The following DHRSX variants were observed in gnomAD, a reference collection of about 807,000 sequenced individuals.
DHRSX encodes the protein dehydrogenase/reductase X-linked, also known as polyprenol dehydrogenase.
Under a neutral mutation model 34.0 loss-of-function variants are expected in DHRSX, and 31 were observed. The observed-to-expected ratio is 0.91, with a 90% CI of 0.69 to 1.23. The LOEUF (loss-of-function observed/expected upper bound fraction) is 1.23, where lower values mean the gene tolerates loss of function less well. Among genes scored for constraint, DHRSX ranks in the 50% most tolerant of loss-of-function variants. The pLI is 0.00. For missense variants in DHRSX, 414 were observed against 428.1 expected (o/e 0.97, Z 0.29); for synonymous variants, 201 against 183.8 (o/e 1.09, Z -0.76).
chrX:2,345,448 G>T (rs1298313866), intron 3 of DHRSX, among the ~76,000 whole-genome samples: 3 of 151,828 alleles, frequency 2.0e-5, no homozygotes, highest in Admixed American at 6.6e-5. Flanking sequence ...TTTGAGATCA[G>T]CCTGGCCAAC....
intron 3 of DHRSX, among the ~76,000 whole-genome samples, chrX:2,376,844 A>G (rs7050661): frequency 0.06 from 9,171 of 152,102 alleles, 630 homozygotes; most frequent in African/African-American, 0.17. Context: ...AAATACAAAA[A>G]TTAGCCGGGC....
At chrX:2,367,961 G>T (rs991854623) in intron 3 of DHRSX, among the ~76,000 whole-genome samples, 1 of 152,004 alleles carries the variant, frequency 6.6e-6, no homozygotes, top group Admixed American at 6.6e-5. Flanking sequence ...AATATTTTGA[G>T]GCCAGGCACG....
chrX:2,463,848 C>T (rs2044438368), intron 1 of DHRSX, among the ~76,000 whole-genome samples: 1 of 152,142 alleles, frequency 6.6e-6, no homozygotes, highest in Admixed American at 6.5e-5. Flanking sequence ...CAGACACAGA[C>T]ACGCAGAAGA....
chrX:2,424,044 T>C (rs187466471), intron 2 of DHRSX, among the ~76,000 whole-genome samples: 168 of 152,196 alleles, frequency 1.1e-3, no homozygotes, highest in African/African-American at 3.8e-3. Context: ...TGTTTGGAAA[T>C]AAGGTCTTTA....
At chrX:2,427,214 G>A (rs2043861604) in intron 1 of DHRSX, among the ~76,000 whole-genome samples, 1 of 152,220 alleles carries the variant, frequency 6.6e-6, no homozygotes, top group Admixed American at 6.5e-5. Flanking sequence ...AGTCTAGCAG[G>A]CCTGGGATAT....
chrX:2,304,312 AATGG>A (rs766851673), intron 3 of DHRSX, among the ~76,000 whole-genome samples: 3,801 of 97,210 alleles, frequency 0.039, 201 homozygotes, highest in African/African-American at 0.15. Flanking sequence ...TGGATGGATG[AATGG>A]ATGGATGGAT....
intron 3 of DHRSX, among the ~76,000 whole-genome samples, chrX:2,312,859 C>A (rs2124519816): frequency 6.6e-6 from 1 of 152,186 alleles, no homozygotes; most frequent in Non-Finnish European, 1.5e-5. Context: ...GAGGTCCTGC[C>A]CATGGGCCAG....
intron 1 of DHRSX, among the ~76,000 whole-genome samples, chrX:2,447,145 C>G (rs1171439288): frequency 2.0e-5 from 3 of 152,184 alleles, no homozygotes; most frequent in Admixed American, 6.5e-5. Flanking sequence ...AGGAACAGCA[C>G]TGAAGACGTT....
At chrX:2,356,304 G>A (rs1398460585) in intron 3 of DHRSX, among the ~76,000 whole-genome samples, 1 of 152,156 alleles carries the variant, frequency 6.6e-6, no homozygotes, top group Non-Finnish European at 1.5e-5. Flanking sequence ...CAACCCAGGA[G>A]GCAGAGGTTG....
chrX:2,494,949 G>A (rs964123550), intron 1 of DHRSX, among the ~76,000 whole-genome samples: 3 of 151,650 alleles, frequency 2.0e-5, no homozygotes, highest in Non-Finnish European at 4.4e-5. Context: ...TGGAGCAAAG[G>A]TTTATATTCT....
chrX:2,493,393 T>C (rs1339677185), intron 1 of DHRSX, among the ~76,000 whole-genome samples: 1 of 152,070 alleles, frequency 6.6e-6, no homozygotes, highest in African/African-American at 2.4e-5. Flanking sequence ...CATTCCATTA[T>C]TATTATTTGT....
At chrX:2,402,281 C>T (rs1727955210) in intron 3 of DHRSX, among the ~76,000 whole-genome samples, 1 of 152,252 alleles carries the variant, frequency 6.6e-6, no homozygotes, top group South Asian at 2.1e-4. Context: ...CCCTCTGTCC[C>T]TCGCTGGGCA....
At chrX:2,427,192 G>A (rs1453402041) in intron 1 of DHRSX, among the ~76,000 whole-genome samples, 3 of 152,224 alleles carry the variant, frequency 2.0e-5, no homozygotes, top group Non-Finnish European at 4.4e-5. Flanking sequence ...ATGTTGTGAC[G>A]GTGAGAGCAA....
At chrX:2,221,548 G>A (rs2015519891) in intron 6 of DHRSX, among the ~76,000 whole-genome samples, 1 of 152,124 alleles carries the variant, frequency 6.6e-6, no homozygotes, top group South Asian at 2.1e-4. Context: ...GGACCGAAAT[G>A]CTTATTAATT....
chrX:2,441,831 G>A (rs2044066068), intron 1 of DHRSX, among the ~76,000 whole-genome samples: 1 of 152,164 alleles, frequency 6.6e-6, no homozygotes, highest in Admixed American at 6.5e-5. Context: ...TCAGCACTTT[G>A]GGAGGCTGAG....
At chrX:2,495,240 T>A (rs1039721135) in intron 1 of DHRSX, among the ~76,000 whole-genome samples, 28 of 151,492 alleles carry the variant, frequency 1.8e-4, no homozygotes, top group African/African-American at 6.8e-4. Flanking sequence ...CTGAAAGACG[T>A]TCCAGGACGT....
chrX:2,253,009 G>C (rs2016467743), intron 5 of DHRSX, among the ~76,000 whole-genome samples: 2 of 152,190 alleles, frequency 1.3e-5, no homozygotes, highest in Admixed American at 6.5e-5. Flanking sequence ...AGTATAGTAA[G>C]ACCTTATCTC....
Position 2,398,978 on chromosome X carries a change from G to A in DHRSX, c.286+9767C>T, listed in dbSNP as rs781481605. Among the ~76,000 whole-genome samples, 197 of 152,156 alleles carry A rather than the reference G, an allele frequency of 1.3e-3. 2 individuals carry two copies. The highest frequency in any genetic ancestry group is 4.6e-3 in the African/African-American group (191 of 41,524). On this transcript the variant is annotated intron_variant, in intron 3 of 6. Coordinates refer to ENST00000334651, the MANE Select transcript of DHRSX (RefSeq NM_145177.3). ...CGCCATTCTCCCACCTCAGCCTCCC[G>A]AGTAGCTGGGACTACAGGCACCCGC...
At chrX:2,239,972 C>A (rs1042176248) in intron 6 of DHRSX, among the ~76,000 whole-genome samples, 21 of 151,846 alleles carry the variant, frequency 1.4e-4, no homozygotes, top group Non-Finnish European at 2.8e-4. Flanking sequence ...ATGTGAAGAA[C>A]AACAGATCAG....
Sources: gnomAD v4.1 joint callset for allele counts (sites outside exome capture counted in the v4.1 genomes callset) on GRCh38, gnomAD v4.1.1 for gene constraint, MANE v1.5 for transcripts, NCBI Gene and HGNC (gene_info 2026-07-23, HGNC 2026-07-21) for gene names.